Variants in TENM2 observed in about 807,000 individuals in gnomAD.
TENM2 encodes teneurin transmembrane protein 2, also known as teneurin-2.
A neutral mutation model predicts 245.2 loss-of-function variants in TENM2; 52 were observed. That is an observed-to-expected ratio of 0.21 (90% CI 0.17 to 0.27). TENM2 has a LOEUF of 0.27. TENM2 is among the 10% of genes least tolerant of loss of function. The pLI is 1.00. For synonymous variants in TENM2, 1,363 were observed against 1,438.9 expected (o/e 0.95, Z 1.19); for missense variants, 3,046 against 3,666.8 (o/e 0.83, Z 4.37).
intron 5 of TENM2, among the ~76,000 whole-genome samples, chr5:168,032,029 T>C (rs575539161): frequency 5.3e-5 from 8 of 152,292 alleles, no homozygotes; most frequent in African/African-American, 1.9e-4. Context: ...TTCTTTTTTC[T>C]GCCACTTTCA....
At chr5:168,198,747 C>T in intron 15 of TENM2, 106 bp from the exon 18 acceptor site, 3 of 1,405,936 alleles carry the variant, frequency 2.1e-6, no homozygotes, top group Non-Finnish European at 2.9e-6. Flanking sequence ...CCCATGGTCT[C>T]CTCTGTGCTC....
In TENM2 at chr5:167,396,478, T is replaced by C. The variant is rs370947805; in HGVS notation, c.502+21005T>C. On this transcript the variant is annotated intron_variant, in intron 2 of 28. Coordinates refer to ENST00000518659, the Ensembl canonical transcript of TENM2. ...GAAAGAAGGAGAAAATGGGAAGTTG[T>C]TGATTAAATAGGGGTGTCAGTGAAT... Among the ~76,000 whole-genome samples the C allele has an allele frequency of 3.9e-5, 6 of 152,180 alleles. No individual in the cohort carries two copies. In the South Asian group the frequency reaches 1.0e-3, roughly 26 times the overall value.
At chr5:167,446,414 A>C (rs1324355352) in intron 2 of TENM2, among the ~76,000 whole-genome samples, 2 of 152,160 alleles carry the variant, frequency 1.3e-5, no homozygotes, top group Non-Finnish European at 2.9e-5. Context: ...TTTGGCATTG[A>C]TTAAATCACT....
At chr5:168,238,210 G>GAAAAGAAAA (rs1341683754) in intron 25 of TENM2, among the ~76,000 whole-genome samples, 1 of 38,088 alleles carries the variant, frequency 2.6e-5, no homozygotes, top group African/African-American at 1.3e-4. Flanking sequence ...AGGGAGGGAG[G>GAAAAGAAAA]GAGGGAGAGA....
In TENM2 at chr5:167,685,501, G is replaced by A. The variant is rs149420135; in HGVS notation, c.503-190485G>A. On this transcript the variant is annotated intron_variant, in intron 2 of 28. Transcript: ENST00000518659. ...GAATCCCCGATGTGATCTTTCACATGCTGTGGGAGGAAATGTATTTTCAAT... is the reference window on the plus strand; with the variant it reads ...GAATCCCCGATGTGATCTTTCACATACTGTGGGAGGAAATGTATTTTCAAT... 5.0e-3 allele frequency among the ~76,000 whole-genome samples: 761 copies of A among 152,210 alleles called. 6 individuals are homozygous for A. Among genetic ancestry groups the A allele is most frequent in the Non-Finnish European group, 8.8e-3 (596 of 68,012 alleles).
the TENM2 span, among the ~76,000 whole-genome samples, chr5:166,999,469 T>C: frequency 9.2e-5 from 14 of 152,148 alleles, no homozygotes; most frequent in African/African-American, 2.9e-4. Context: ...TTAGGAGGAT[T>C]GAGGCTTGGA....
chr5:167,992,892 G>A, intron 4 of TENM2, 52 bp from the exon 7 acceptor site: 5 of 1,417,260 alleles, frequency 3.5e-6, no homozygotes, highest in Non-Finnish European at 5.0e-6. Context: ...ATAGCTAAAT[G>A]TTGCTCCTTG....
At chr5:167,706,546 G>A (rs1458060772) in intron 2 of TENM2, among the ~76,000 whole-genome samples, 1 of 151,820 alleles carries the variant, frequency 6.6e-6, no homozygotes, top group African/African-American at 2.4e-5. Context: ...AAATAATGCT[G>A]CAGTGAACAT....
intron 4 of TENM2, among the ~76,000 whole-genome samples, chr5:167,986,220 T>C (rs1783237690): frequency 3.3e-5 from 5 of 152,236 alleles, no homozygotes; most frequent in Admixed American, 3.3e-4. Flanking sequence ...CTGTTCAGCT[T>C]TTAGGTATGC....
chr5:167,553,913 G>A (rs1336754798), intron 2 of TENM2, among the ~76,000 whole-genome samples: 1 of 152,210 alleles, frequency 6.6e-6, no homozygotes, highest in Non-Finnish European at 1.5e-5. Context: ...ACAGAGCCCA[G>A]TGTCTCCCTG....
intron 5 of TENM2, among the ~76,000 whole-genome samples, chr5:168,017,081 G>A (rs1257369994): frequency 4.6e-5 from 7 of 152,140 alleles, no homozygotes; most frequent in Non-Finnish European, 8.8e-5. Flanking sequence ...AGCCTCTCTT[G>A]CCCCTCAAGA....
chr5:167,960,047 G>A (rs1780879376), intron 4 of TENM2, among the ~76,000 whole-genome samples: 1 of 152,216 alleles, frequency 6.6e-6, no homozygotes, highest in Admixed American at 6.5e-5. Context: ...AAAGACTGCT[G>A]CCTGTTCCTT....
chr5:167,304,861 A>G (rs1340350892), intron 1 of TENM2, among the ~76,000 whole-genome samples: 1 of 152,194 alleles, frequency 6.6e-6, no homozygotes, highest in Non-Finnish European at 1.5e-5. Context: ...GATTTCAGAA[A>G]GTGCAGAATA....
intron 2 of TENM2, among the ~76,000 whole-genome samples, chr5:167,740,461 C>T (rs761733729): frequency 3.9e-5 from 6 of 152,128 alleles, no homozygotes; most frequent in Non-Finnish European, 8.8e-5. Flanking sequence ...GTTGACACTA[C>T]TTCCCTTCAA....
chr5:167,305,700 G>A (rs560476956), intron 1 of TENM2, among the ~76,000 whole-genome samples: 6 of 152,244 alleles, frequency 3.9e-5, no homozygotes, highest in South Asian at 2.1e-4. Flanking sequence ...GCAGGGATTC[G>A]GCACATTTTA....
At chr5:168,216,739 G>A (rs1413111471) in intron 21 of TENM2, 29 bp from the exon 24 acceptor site, 1 of 1,613,418 alleles carries the variant, frequency 6.2e-7, no homozygotes, top group South Asian at 1.1e-5. Context: ...CTTTCCAAGA[G>A]ATAAATCCAC....
At chr5:167,031,926 T>C in the TENM2 span, among the ~76,000 whole-genome samples, 16 of 152,256 alleles carry the variant, frequency 1.1e-4, no homozygotes, top group African/African-American at 3.6e-4. Context: ...ATGACCTCTG[T>C]GCAAATTCAT....
intron 3 of TENM2, among the ~76,000 whole-genome samples, chr5:167,942,816 AC>A (rs1779295970): frequency 6.6e-6 from 1 of 152,140 alleles, no homozygotes; most frequent in African/African-American, 2.4e-5. Flanking sequence ...TTTGAAAGAA[AC>A]CAGTAAACAA....
chr5:167,224,766 C>T, the TENM2 span, among the ~76,000 whole-genome samples: 22 of 151,894 alleles, frequency 1.4e-4, no homozygotes, highest in Admixed American at 1.2e-3. Flanking sequence ...ATAGATATTA[C>T]ATTGAATCTA....
Sources: allele counts gnomAD v4.1 joint callset (sites outside exome capture counted in the v4.1 genomes callset), GRCh38; gene constraint gnomAD v4.1.1; transcripts MANE v1.5; gene names NCBI Gene and HGNC (gene_info 2026-07-23, HGNC 2026-07-21).